MAP3K3: variants seen among roughly 807,000 people sequenced by gnomAD.
The protein encoded by MAP3K3 is MAP/ERK kinase kinase 3.
A neutral mutation model predicts 80.9 loss-of-function variants in MAP3K3; 12 were observed. The ratio of observed to expected loss-of-function variants is 0.15; its 90% CI spans 0.10 to 0.24. The LOEUF (loss-of-function observed/expected upper bound fraction) is 0.24, where lower values mean the gene tolerates loss of function less well. MAP3K3 is among the 10% of genes least tolerant of loss of function. The pLI is 1.00. For synonymous variants in MAP3K3, 272 were observed against 307.1 expected (o/e 0.89, Z 1.19); for missense variants, 596 against 834.7 (o/e 0.71, Z 3.52).
At chr17:63,634,165 G>C (rs1456568471) in intron 2 of MAP3K3, among the ~76,000 whole-genome samples, 1 of 152,110 alleles carries the variant, frequency 6.6e-6, no homozygotes, top group Non-Finnish European at 1.5e-5. Context: ...GTTCTCCCTT[G>C]CTATAACTCA....
chr17:63,687,531 G>A (rs1249670579), intron 8 of MAP3K3, among the ~76,000 whole-genome samples: 3 of 144,590 alleles, frequency 2.1e-5, no homozygotes, highest in African/African-American at 7.7e-5. Flanking sequence ...AAAAAAAAAA[G>A]CAAAAAAAAT....
chr17:63,640,945 AC>A (rs1461562285), intron 2 of MAP3K3, among the ~76,000 whole-genome samples: 4 of 152,014 alleles, frequency 2.6e-5, no homozygotes, highest in South Asian at 4.1e-4. Flanking sequence ...TGTCTCAGAC[AC>A]CCCCCACTCC....
intron 6 of MAP3K3, 141 bp downstream of exon 6, chr17:63,667,201 T>G (rs2035017873): frequency 1.1e-6 from 1 of 933,802 alleles, no homozygotes; most frequent in Non-Finnish European, 1.5e-6. Flanking sequence ...TGCCTTTATT[T>G]TATTTAGAGA....
chr17:63,666,901 G>A (rs376043954), intron 5 of MAP3K3, 39 bp from the exon 6 acceptor site: 13 of 1,610,370 alleles, frequency 8.1e-6, no homozygotes, highest in South Asian at 2.2e-5. Flanking sequence ...GCCTGACTGT[G>A]TAAAGATGTA....
intron 7 of MAP3K3, among the ~76,000 whole-genome samples, chr17:63,684,899 A>G (rs1453310443): frequency 6.6e-6 from 1 of 152,178 alleles, no homozygotes; most frequent in African/African-American, 2.4e-5. Flanking sequence ...CAGGACATTG[A>G]TTGGAGAAAA....
chr17:63,626,498 TTATAA>T (rs2034105483), intron 1 of MAP3K3, among the ~76,000 whole-genome samples: 1 of 152,220 alleles, frequency 6.6e-6, no homozygotes, highest in Non-Finnish European at 1.5e-5. Flanking sequence ...ATGGCCTACT[TTATAA>T]TATGTGTTTT....
chr17:63,672,603 C>T (rs1024477570), intron 6 of MAP3K3, among the ~76,000 whole-genome samples: 1 of 151,996 alleles, frequency 6.6e-6, no homozygotes, highest in Admixed American at 6.6e-5. Flanking sequence ...TGCACCCAGG[C>T]GAGAGTGCCT....
chr17:63,667,048 C>T lies in MAP3K3; in HGVS notation c.490C>T (p.His164Tyr). The T allele has an allele frequency of 6.2e-7, 1 of 1,607,312 alleles. No individual in the cohort carries two copies. The highest frequency in any genetic ancestry group is 1.3e-5 in the African/African-American group (1 of 74,626). Reference sequence around the variant, plus strand: ...CCAGCCCCCCGAGCCCAGAAGCAGGCACCTCTCTGTCAGTGAGTATTTCAA... The same window carrying T: ...CCAGCCCCCCGAGCCCAGAAGCAGGTACCTCTCTGTCAGTGAGTATTTCAA... ...IYQPPEPRSR[H>Y]LSVSSQNPGR... The change falls in exon 6 of 16, where the codon CAC becomes TAC. Residue 164 changes from histidine to tyrosine, a missense_variant. Coordinates refer to ENST00000361733, the MANE Select transcript of MAP3K3 (RefSeq NM_002401.5).
rs1347255762 is a variant in MAP3K3, at chr17:63,691,131, G to T, written c.1242G>T (p.Gln414His). 1 of 1,614,204 alleles carries T rather than the reference G, an allele frequency of 6.2e-7. No homozygotes were observed. The highest frequency in any genetic ancestry group is 2.2e-5 in the East Asian group (1 of 44,888). Residue 414 changes from glutamine to histidine, a missense_variant, in exon 13 of 16, where the codon CAG becomes CAT. Coordinates refer to ENST00000361733, the MANE Select transcript of MAP3K3 (RefSeq NM_002401.5). This position sits in a 1 kb window ranked among gnomAD's most constrained non-coding sequence, Gnocchi z 4.8. The part of the protein sequence containing the change: ...KEVSALECEI[Q>H]LLKNLQHERI... ...TGAGTGCTCTGGAGTGCGAGATCCAGTTGCTAAAGAACTTGCAGCATGAGC... is the reference window on the plus strand; with the variant it reads ...TGAGTGCTCTGGAGTGCGAGATCCATTTGCTAAAGAACTTGCAGCATGAGC...
At chr17:63,670,840 A>C (rs1023236182) in intron 6 of MAP3K3, among the ~76,000 whole-genome samples, 1 of 151,964 alleles carries the variant, frequency 6.6e-6, no homozygotes, top group Non-Finnish European at 1.5e-5. Context: ...AGCAAGGGGA[A>C]GGGGAGGGCA....
At chr17:63,632,649 T>C (rs1182080633) in intron 1 of MAP3K3, 32 bp from the exon 2 acceptor site, 1 of 1,612,522 alleles carries the variant, frequency 6.2e-7, no homozygotes, top group East Asian at 2.2e-5. Context: ...TGTATTTAAG[T>C]GTCTTAGTCC....
At chr17:63,654,818 A>G (rs1017181389) in intron 4 of MAP3K3, among the ~76,000 whole-genome samples, 3 of 152,148 alleles carry the variant, frequency 2.0e-5, no homozygotes, top group African/African-American at 7.2e-5. Flanking sequence ...CGGGCAGATC[A>G]CGAGGTCAGG....
At chr17:63,646,107 A>G (rs2034536620) in intron 3 of MAP3K3, 33 bp downstream of exon 3, 1 of 1,604,446 alleles carries the variant, frequency 6.2e-7, no homozygotes, top group Non-Finnish European at 8.5e-7. Context: ...AGCTGTGTTC[A>G]TGTATGCCAA....
intron 2 of MAP3K3, among the ~76,000 whole-genome samples, chr17:63,645,217 C>T (rs1005645226): frequency 2.6e-5 from 4 of 152,126 alleles, no homozygotes; most frequent in African/African-American, 7.2e-5. Flanking sequence ...GCAAGAGAAT[C>T]GTTTGAACCC....
intron 6 of MAP3K3, among the ~76,000 whole-genome samples, chr17:63,676,488 T>A (rs1437653871): frequency 6.6e-6 from 1 of 152,226 alleles, no homozygotes; most frequent in Non-Finnish European, 1.5e-5. Context: ...AAATAAGAGT[T>A]TTTCTTTCTC....
chr17:63,691,812 A>T lies in MAP3K3; in HGVS notation c.1424A>T (p.Glu475Val). 1 of 1,614,136 alleles carries T rather than the reference A, an allele frequency of 6.2e-7. No homozygotes were observed. Among genetic ancestry groups the T allele is most frequent in the Non-Finnish European group, 8.5e-7 (1 of 1,180,002 alleles). The change falls in exon 14 of 16, where the codon GAG (glutamate) becomes GTG (valine). Residue 475 changes from glutamate to valine, a missense_variant. Glu to Val is a moderately radical substitution (Grantham distance 121, BLOSUM62 -2). This residue lies in a region of MAP3K3 where 364 missense variants were observed against 588.9 expected (regional missense o/e 0.62). Transcript: ENST00000361733. This position sits in a 1 kb window ranked among gnomAD's most constrained non-coding sequence, Gnocchi z 4.8. ...VTRKYTRQIL[E>V]GMSYLHSNMI... ...CGAAAGTACACGCGGCAGATCCTGGAGGGCATGTCCTACCTGCACAGCAAC... is the reference window on the plus strand; with the variant it reads ...CGAAAGTACACGCGGCAGATCCTGGTGGGCATGTCCTACCTGCACAGCAAC...
chr17:63,644,951 T>G (rs1178015262), intron 2 of MAP3K3, among the ~76,000 whole-genome samples: 1 of 152,232 alleles, frequency 6.6e-6, no homozygotes, highest in African/African-American at 2.4e-5. Context: ...CCTGTTCTTC[T>G]GTAATATCTC....
chr17:63,627,466 G>A (rs1211093285), intron 1 of MAP3K3, among the ~76,000 whole-genome samples: 1 of 148,654 alleles, frequency 6.7e-6, no homozygotes, highest in Non-Finnish European at 1.5e-5. Flanking sequence ...TTTTTGGGGT[G>A]GAGTTTTGCC....
chr17:63,623,546 C>T (rs1365719393), intron 1 of MAP3K3, among the ~76,000 whole-genome samples: 2 of 152,166 alleles, frequency 1.3e-5, no homozygotes, highest in Admixed American at 6.5e-5. Flanking sequence ...AAATCACTTC[C>T]TTTTTGTCAG....
Sources: allele counts gnomAD v4.1 joint callset (sites outside exome capture counted in the v4.1 genomes callset), GRCh38; gene constraint gnomAD v4.1.1; regional missense constraint gnomAD v4.1.1; non-coding constraint Gnocchi (gnomAD v3.1); transcripts MANE v1.5; gene names NCBI Gene and HGNC (gene_info 2026-07-23, HGNC 2026-07-21).